INTS11: variants seen among roughly 807,000 people sequenced by gnomAD.
The protein encoded by INTS11 is integrator complex subunit 11.
In INTS11, 77 loss-of-function variants were observed where a neutral mutation model predicts 78.6. The observed-to-expected ratio is 0.98, with a 90% CI of 0.81 to 1.18. The LOEUF is 1.18. INTS11 is among the 50% of genes most tolerant of loss of function. INTS11 has a pLI of 0.00. For synonymous variants in INTS11, 441 were observed against 326.9 expected (o/e 1.35, Z -3.77); for missense variants, 875 against 825.9 (o/e 1.06, Z -0.73).
intron 1 of INTS11, chr1:1,321,897 A>T: frequency 1.0e-5 from 13 of 1,258,164 alleles, no homozygotes; most frequent in South Asian, 2.0e-5. Context: ...TTCCCCTTGA[A>T]TCCCACCCAC....
Position 1,312,213 on chromosome 1 carries a change from G to GGGGGGGGCCCCCCCCCCCCCC in INTS11, c.1607+12_1607+13insGGGGGGGGGGGGGGCCCCCCC. The GGGGGGGGCCCCCCCCCCCCCC allele has an allele frequency of 1.3e-5, 12 of 934,390 alleles. No individual in the cohort carries two copies. Among genetic ancestry groups the GGGGGGGGCCCCCCCCCCCCCC allele is most frequent in the Non-Finnish European group, 1.9e-5 (12 of 636,470 alleles). 57.9% of individuals were successfully genotyped at this position (934,390 alleles called of 1,614,324 possible). A position where few individuals can be genotyped will look rare whatever the true frequency, so the allele number is the denominator to read the frequency against. On this transcript the variant is annotated intron_variant, in intron 15 of 16. Transcript: ENST00000435064. ...CCCAAGGGAGTGGGGGGGGGGCGGG[G>GGGGGGGGCCCCCCCCCCCCCC]CCGGGCGCCCACCTCTTGAGGTGGC...
intron 1 of INTS11, chr1:1,322,884 G>A: frequency 1.6e-6 from 2 of 1,223,572 alleles, no homozygotes; most frequent in Non-Finnish European, 2.1e-6. Flanking sequence ...CTTCGGCTTT[G>A]ATGATACCTT....
Position 1,311,820 on chromosome 1 carries a change from G to A in INTS11, c.*39C>T, listed in dbSNP as rs776009824. 2.0e-5 allele frequency: 30 copies of A among 1,525,814 alleles called. No individual in the cohort carries two copies. The East Asian group carries it at 4.1e-4, about 21-fold the overall frequency. 94.5% of individuals were successfully genotyped at this position (1,525,814 alleles called of 1,614,324 possible). On this transcript the variant is annotated 3_prime_UTR_variant, in exon 17 of 17. Transcript: ENST00000435064. ...GTGCAGGCCCAGGGTCTGTCCAGCT[G>A]GGAGAGGGCAGAGGTGGCGGCTGGG...
chr1:1,317,326 G>A (rs989224309), intron 4 of INTS11: 23 of 221,692 alleles, frequency 1.0e-4, no homozygotes, highest in East Asian at 3.7e-4. Flanking sequence ...CCCAGAAGGC[G>A]GAGGTTCAAG....
In INTS11 at chr1:1,323,368, G is replaced by A. The variant is rs1022115507; in HGVS notation, c.28+1213C>T. The A allele has an allele frequency of 8.9e-6, 13 of 1,456,842 alleles. No individual in the cohort carries two copies. In the Admixed American group the frequency reaches 2.1e-4, roughly 23 times the overall value. 90.2% of individuals were successfully genotyped at this position (1,456,842 alleles called of 1,614,324 possible). On this transcript the variant is annotated intron_variant, in intron 1 of 16. Transcript: ENST00000435064. ...AGCTGTTTCTGAGACCCTGGATTTT[G>A]ACTAATTTTTTCCTTCTTCACATCG... is the stretch of plus-strand genomic sequence containing the variant.
Position 1,312,054 on chromosome 1 carries a change from T to C in INTS11, c.1701A>G (p.Pro567=), listed in dbSNP as rs757501026. 4 of 1,573,538 alleles carry C rather than the reference T, an allele frequency of 2.5e-6. No individual in the cohort carries two copies. Among genetic ancestry groups the C allele is most frequent in the Non-Finnish European group, 3.5e-6 (4 of 1,158,704 alleles). ...AGGAGACCAGCAGCACCTTGGTGCC[T>C]GGGTCCTCAGAAGGGGCGGCGGCCT... is the stretch of plus-strand genomic sequence containing the variant. ...LLQAAAPSED[P]GTKVLLVSWT... The change falls in exon 16 of 17, where the codon CCA becomes CCG. Residue 567 remains proline (P), a synonymous_variant. Coordinates refer to ENST00000435064, the MANE Select transcript of INTS11 (RefSeq NM_017871.6).
At position 1,314,482 on chromosome 1, in the gene INTS11, C is replaced by A; in HGVS notation, c.703-117G>T. 1 of 882,792 alleles carries A rather than the reference C, an allele frequency of 1.1e-6. No individual in the cohort carries two copies. 54.7% of individuals were successfully genotyped at this position (882,792 alleles called of 1,614,324 possible). On this transcript the variant is annotated intron_variant, in intron 7 of 16. Transcript: ENST00000435064. This position sits in a 1 kb window ranked among gnomAD's most constrained non-coding sequence, Gnocchi z 4.2. Reference sequence around the variant, plus strand: ...TGCGGCCTCATAGGGACCTTAGCCTCTCATCTGCTCCCAGTCCCGTCCCAG... The same window carrying A: ...TGCGGCCTCATAGGGACCTTAGCCTATCATCTGCTCCCAGTCCCGTCCCAG...
rs1398070333 is a variant in INTS11, at chr1:1,320,992, T to G, written c.126+4A>C. The G allele has an allele frequency of 6.2e-7, 1 of 1,612,384 alleles. No individual in the cohort carries two copies. Among genetic ancestry groups the G allele is most frequent in the Non-Finnish European group, 8.5e-7 (1 of 1,179,330 alleles). On this transcript the variant is annotated splice_donor_region_variant and intron_variant, in intron 2 of 16. Transcript: ENST00000435064. Reference sequence around the variant, plus strand: ...CCTCTGGGCCTCCTGCCCAAGGGACTCACGTCGTCATTGAAGCCCATGTGC... The same window carrying G: ...CCTCTGGGCCTCCTGCCCAAGGGACGCACGTCGTCATTGAAGCCCATGTGC...
In INTS11 at chr1:1,313,045, C is replaced by A. The variant is rs1372289708; in HGVS notation, c.1121G>T (p.Gly374Val). ...LSGQRKLEME[G>V]RQVLEVKMQV... ...GGGGTCGAGACTCACCACCTGCCGC[C>A]CCTCCATCTCGAGCTTCCGCTGCCC... The change falls in exon 11 of 17, where the codon GGG becomes GTG. Residue 374 changes from glycine to valine, a missense_variant. Transcript: ENST00000435064. 3.7e-6 allele frequency: 6 copies of A among 1,610,788 alleles called. No individual in the cohort carries two copies. In the Admixed American group the frequency reaches 8.3e-5, roughly 22 times the overall value.
chr1:1,324,593 C>G lies in INTS11; in HGVS notation c.16G>C (p.Val6Leu). Residue 6 changes from valine (V) to leucine (L), a missense_variant, in exon 1 of 17, where the codon GTC becomes CTC. Transcript: ENST00000435064. MPEIR[V>L]TPLGAGQDVG... Reference sequence around the variant, plus strand: ...GGCTCCCACTCACCCAAGGGCGTGACTCTGATCTCAGGCATCGTCTCCGCC... The same window carrying G: ...GGCTCCCACTCACCCAAGGGCGTGAGTCTGATCTCAGGCATCGTCTCCGCC... 6.3e-7 allele frequency: 1 copy of G among 1,597,050 alleles called. No homozygotes were observed. The highest frequency in any genetic ancestry group is 8.5e-7 in the Non-Finnish European group (1 of 1,173,756).
At chr1:1,318,400 G>A (rs1642740401) in intron 4 of INTS11, among the ~76,000 whole-genome samples, 1 of 152,178 alleles carries the variant, frequency 6.6e-6, no homozygotes, top group Non-Finnish European at 1.5e-5. Context: ...ACTCATGCCT[G>A]TAATCCGAGC....
intron 1 of INTS11, 104 bp downstream of exon 1, chr1:1,324,477 G>T: frequency 8.1e-7 from 1 of 1,240,774 alleles, no homozygotes; most frequent in Non-Finnish European, 1.1e-6. Flanking sequence ...GACGCCCGCG[G>T]CGCGCACCTG....
chr1:1,317,967 G>C (rs969063240), intron 4 of INTS11: 1 of 152,030 alleles, frequency 6.6e-6, no homozygotes, highest in Admixed American at 6.6e-5. Context: ...CCAGGTTCAC[G>C]CCATTCTCCT....
At chr1:1,324,171 A>AGGGGCTGG (rs1643180922) in intron 1 of INTS11, among the ~76,000 whole-genome samples, 1 of 920 alleles carries the variant, frequency 1.1e-3, no homozygotes, top group African/African-American at 2.9e-3. Flanking sequence ...TGGGGGGCTG[A>AGGGGCTGG]GGGGCTGGGA....
chr1:1,320,996 G>A lies in INTS11; in HGVS notation c.126C>T (p.Asp42=), dbSNP rs900368991. Residue 42 remains aspartate, a splice_region_variant and synonymous_variant, in exon 2 of 17, where the codon GAC becomes GAT. Transcript: ENST00000435064. Reference sequence around the variant, plus strand: ...TGGGCCTCCTGCCCAAGGGACTCACGTCGTCATTGAAGCCCATGTGCATTC... The same window carrying A: ...TGGGCCTCCTGCCCAAGGGACTCACATCGTCATTGAAGCCCATGTGCATTC... The part of the protein sequence containing the change: ...DCGMHMGFND[D]RRFPDFSYIT... 53 of 1,612,354 alleles carry A rather than the reference G, an allele frequency of 3.3e-5. No individual in the cohort carries two copies. In the Middle Eastern group the frequency reaches 6.6e-4, roughly 20 times the overall value.
At chr1:1,323,123 G>C in intron 1 of INTS11, 1 of 1,545,416 alleles carries the variant, frequency 6.5e-7, no homozygotes, top group Non-Finnish European at 8.7e-7. Context: ...CAGGCCAGGG[G>C]TGTTCACAGC....
chr1:1,318,587 G>C (rs926075690), intron 4 of INTS11: 2 of 306,966 alleles, frequency 6.5e-6, no homozygotes, highest in African/African-American at 2.2e-5. Flanking sequence ...CAACCCGGGA[G>C]GCCGAGGCTG....
In INTS11 at chr1:1,312,609, C is replaced by A. The variant is rs1204845412; in HGVS notation, c.1386G>T (p.Lys462Asn). The change falls in exon 13 of 17, where the codon AAG becomes AAT. Residue 462 changes from lysine to asparagine, a missense_variant. By Grantham distance (94) the Lys-to-Asn change is moderately conservative. Coordinates refer to ENST00000435064, the MANE Select transcript of INTS11 (RefSeq NM_017871.6). ...CCCGCATACCCTGCGCCATCTCCCGCTTCAGCAGCCCCAGCGAGATGCCTA... is the reference window on the plus strand; with the variant it reads ...CCCGCATACCCTGCGCCATCTCCCGATTCAGCAGCCCCAGCGAGATGCCTA... ...IPVGISLGLL[K>N]REMAQGLLPE... 1 of 1,575,286 alleles carries A rather than the reference C, an allele frequency of 6.3e-7. No homozygotes were observed. Among genetic ancestry groups the A allele is most frequent in the Non-Finnish European group, 8.6e-7 (1 of 1,156,280 alleles).
Position 1,312,353 on chromosome 1 carries a change from A to G in INTS11, c.1480T>C (p.Ser494Pro). 1 of 1,563,942 alleles carries G rather than the reference A, an allele frequency of 6.4e-7. No individual in the cohort carries two copies. Among genetic ancestry groups the G allele is most frequent in the Non-Finnish European group, 8.7e-7 (1 of 1,153,902 alleles). Residue 494 changes from serine to proline, a missense_variant, in exon 15 of 17, where the codon TCC (serine) becomes CCC (proline). Physicochemically the swap from Ser to Pro is moderately conservative, Grantham distance 74. Coordinates refer to ENST00000435064, the MANE Select transcript of INTS11 (RefSeq NM_017871.6). ...AGCTCTTTGAGGGCTTGCTCTGAGG[A>G]CACCAGCCGGAAGTTCTGTGGGGCA... ...IMKDSNFRLV[S>P]SEQALKELGL...
Sources: allele counts gnomAD v4.1 joint callset (sites outside exome capture counted in the v4.1 genomes callset), GRCh38; gene constraint gnomAD v4.1.1; non-coding constraint Gnocchi (gnomAD v3.1); transcripts MANE v1.5; gene names NCBI Gene and HGNC (gene_info 2026-07-23, HGNC 2026-07-21).